Variants in TMEM37 observed in about 807,000 individuals in gnomAD.
TMEM37 encodes transmembrane protein 37.
Under a neutral mutation model 11.0 loss-of-function variants are expected in TMEM37, and 12 were observed. The ratio of observed to expected loss-of-function variants is 1.09; its 90% confidence interval spans 0.70 to 1.76. TMEM37 has a LOEUF of 1.76. Among genes scored for constraint, TMEM37 ranks in the 40% most tolerant of loss-of-function variants. The pLI is 0.00. For missense variants in TMEM37, 203 were observed against 251.2 expected (o/e 0.81, Z 1.30); for synonymous variants, 127 against 110.5 (o/e 1.15, Z -0.94).
rs752548806 is a variant in TMEM37 at position 119,436,888 on chromosome 2, G to A, written c.22-1G>A. 6.2e-7 allele frequency: 1 copy of A among 1,608,038 alleles called. No individual in the cohort carries two copies. On this transcript the variant is annotated splice_acceptor_variant, in intron 1 of 1. Transcript: ENST00000306406. LOFTEE classifies it high-confidence loss of function. ...AGGGTGCTTCCTACGGTTTTTTCCA[G>A]GCCCAGAGGCCTTTGGGCCAAAGGC...
At chr2:119,431,802 CAG>C, upstream of TMEM37, 2 of 1,020,778 alleles carry the variant, frequency 2.0e-6, no homozygotes, top group Non-Finnish European at 2.5e-6. Context: ...CGCCCGCCTC[CAG>C]CAGCCGCCCC....
chr2:119,430,072 G>A, upstream of TMEM37: 2 of 1,128,188 alleles, frequency 1.8e-6, no homozygotes, highest in Non-Finnish European at 2.6e-6. Flanking sequence ...AACAGGACAG[G>A]TCTTCCTTTC....
At chr2:119,431,984 G>A (rs1417342180) in intron 1 of TMEM37, 60 bp downstream of exon 1, 21 of 1,113,096 alleles carry the variant, frequency 1.9e-5, no homozygotes, top group Non-Finnish European at 2.4e-5. Flanking sequence ...GAGGTTGGGG[G>A]TGGGAGGACG....
chr2:119,429,913 G>T, upstream of TMEM37: 4 of 1,550,356 alleles, frequency 2.6e-6, no homozygotes, highest in Non-Finnish European at 3.5e-6. Context: ...AACTGGAGAA[G>T]GCAGTGGGTG....
intron 1 of TMEM37, among the ~76,000 whole-genome samples, chr2:119,433,770 A>C (rs1195457055): frequency 6.6e-6 from 1 of 151,262 alleles, no homozygotes; most frequent in Non-Finnish European, 1.5e-5. Context: ...GCAGGACTTG[A>C]CCTCCCCGCT....
chr2:119,430,077 C>T (rs1682362647), upstream of TMEM37: 1 of 1,072,640 alleles, frequency 9.3e-7, no homozygotes, highest in South Asian at 1.5e-5. Context: ...GACAGGTCTT[C>T]CTTTCCCATG....
At chr2:119,431,615 C>G (rs1220974582), upstream of TMEM37, among the ~76,000 whole-genome samples, 1 of 152,114 alleles carries the variant, frequency 6.6e-6, no homozygotes, top group African/African-American at 2.4e-5. Context: ...ACTTCCCGAT[C>G]CTTTCCCCTG....
At chr2:119,431,058 G>C (rs1213279133), upstream of TMEM37, among the ~76,000 whole-genome samples, 6 of 152,094 alleles carry the variant, frequency 3.9e-5, no homozygotes, top group African/African-American at 1.4e-4. Context: ...AGAATCGCTT[G>C]AACGGGTTTG....
chr2:119,431,818 C>G, upstream of TMEM37: 6 of 1,147,478 alleles, frequency 5.2e-6, no homozygotes, highest in Non-Finnish European at 6.6e-6. Flanking sequence ...CCGCCCCGCC[C>G]CTGCGGAGAA....
At chr2:119,430,820 GC>G (rs1318309622), upstream of TMEM37, among the ~76,000 whole-genome samples, 1 of 152,166 alleles carries the variant, frequency 6.6e-6, no homozygotes, top group African/African-American at 2.4e-5. Flanking sequence ...GGCGGTAAAA[GC>G]TTTTAGGTGC....
At chr2:119,431,510 G>C (rs766171937), upstream of TMEM37, among the ~76,000 whole-genome samples, 1 of 152,264 alleles carries the variant, frequency 6.6e-6, no homozygotes. Flanking sequence ...AGCTGGAACA[G>C]GAATCGAACC....
intron 1 of TMEM37, chr2:119,432,374 T>C (rs747579474): frequency 6.5e-6 from 1 of 154,372 alleles, no homozygotes; most frequent in Non-Finnish European, 1.4e-5. Context: ...GTTAGACCTT[T>C]CTGGGGGTGG....
At chr2:119,431,385 C>T (rs1485565587), upstream of TMEM37, among the ~76,000 whole-genome samples, 1 of 152,222 alleles carries the variant, frequency 6.6e-6, no homozygotes. Context: ...CTAACCGAGG[C>T]TCCGAGACGC....
intron 1 of TMEM37, among the ~76,000 whole-genome samples, chr2:119,434,839 T>C (rs1682468422): frequency 6.6e-6 from 1 of 152,150 alleles, no homozygotes; most frequent in Non-Finnish European, 1.5e-5. Context: ...GGCAGCGTGC[T>C]GGGACAGACC....
chr2:119,435,624 A>G (rs1161434725), intron 1 of TMEM37, among the ~76,000 whole-genome samples: 1 of 152,178 alleles, frequency 6.6e-6, no homozygotes, highest in African/African-American at 2.4e-5. Context: ...ATGCCCAGGT[A>G]TTGGGGACAC....
Position 119,437,104 on chromosome 2 carries a change from C to T in TMEM37, c.237C>T (p.Ala79=). The T allele has an allele frequency of 6.2e-7, 1 of 1,614,086 alleles. No homozygotes were observed. The highest frequency in any genetic ancestry group is 8.5e-7 in the Non-Finnish European group (1 of 1,179,968). Reference sequence around the variant, plus strand: ...TCTGCTTCAGAGACCTGGGCCAGGCCCATGTGCCCGGGCTGGCCGTGGGCA... The same window carrying T: ...TCTGCTTCAGAGACCTGGGCCAGGCTCATGTGCCCGGGCTGGCCGTGGGCA... ...QTICFRDLGQ[A]HVPGLAVGMG... The change falls in exon 2 of 2, where the codon GCC becomes GCT. Residue 79 remains alanine (A), a synonymous_variant. Coordinates refer to ENST00000306406, the MANE Select transcript of TMEM37 (RefSeq NM_183240.3).
At chr2:119,429,958 A>C, upstream of TMEM37, 1 of 1,550,560 alleles carries the variant, frequency 6.4e-7, no homozygotes, top group Non-Finnish European at 8.7e-7. Flanking sequence ...TCTGATTTTA[A>C]TTCCAGGCAC....
rs187998674 is a variant in TMEM37 at position 119,436,793 on chromosome 2, G to A, written c.22-96G>A. 15 of 980,306 alleles carry A rather than the reference G, an allele frequency of 1.5e-5. No homozygotes were observed. In the East Asian group the frequency reaches 2.4e-4, roughly 16 times the overall value. The allele number at this position is 980,306 out of a possible 1,614,324, so 60.7% of individuals were successfully genotyped here. ...GACCAAGCAGAGAATAAGACAGTGC[G>A]GAGCAGGATGGAGGGCTCAGGGGTC... On this transcript the variant is annotated intron_variant, in intron 1 of 1. Coordinates refer to ENST00000306406, the MANE Select transcript of TMEM37 (RefSeq NM_183240.3).
At chr2:119,431,740 G>GGCGGAGCCCGCCCGGGGTTA, upstream of TMEM37, 1 of 525,928 alleles carries the variant, frequency 1.9e-6, no homozygotes, top group Non-Finnish European at 2.8e-6. Context: ...CGGCGGGGTT[G>GGCGGAGCCCGCCCGGGGTTA]GCGGAGCCCG....
Sources: allele counts gnomAD v4.1 joint callset (sites outside exome capture counted in the v4.1 genomes callset), GRCh38; gene constraint gnomAD v4.1.1; transcripts MANE v1.5; gene names NCBI Gene and HGNC (gene_info 2026-07-23, HGNC 2026-07-21).